The following GPM6A variants were observed in gnomAD, a reference collection of about 807,000 sequenced individuals.
The protein encoded by GPM6A is neuronal membrane glycoprotein M6-a.
Under a neutral mutation model 32.1 loss-of-function variants are expected in GPM6A, and 7 were observed. The ratio of observed to expected loss-of-function variants is 0.22; its 90% CI spans 0.12 to 0.41. The LOEUF (loss-of-function observed/expected upper bound fraction) is 0.41, where lower values mean the gene tolerates loss of function less well. GPM6A is among the 10% of genes least tolerant of loss of function. The pLI is 1.00. For synonymous variants in GPM6A, 130 were observed against 123.4 expected, an observed-to-expected ratio of 1.05 and a Z score of -0.35; for missense variants, 235 against 347.2, an observed-to-expected ratio of 0.68 and a Z score of 2.57.
In GPM6A at chr4:175,701,711, C is replaced by A; in HGVS notation, c.94G>T (p.Ala32Ser). 6 of 1,613,804 alleles carry A rather than the reference C, an allele frequency of 3.7e-6. No homozygotes were observed. Among genetic ancestry groups the A allele is most frequent in the Non-Finnish European group, 4.2e-6 (5 of 1,179,764 alleles). ...LGGIPYASLI[A>S]TILLYAGVAL... is the part of the protein sequence containing the mutation. The stretch of plus-strand genomic sequence containing the variant: ...ACACCCGCATAGAGCAGGATGGTGG[C>A]AATCAGAGAGGCATAGGGAATGCCC... The change falls in exon 2 of 7, where the codon GCC (alanine) becomes TCC (serine). Residue 32 changes from alanine to serine, a missense_variant. Coordinates refer to ENST00000393658, the MANE Select transcript of GPM6A (RefSeq NM_201591.3).
chr4:175,935,248 T>C (rs1579641921), intron 1 of GPM6A, among the ~76,000 whole-genome samples: 1 of 151,900 alleles, frequency 6.6e-6, no homozygotes, highest in Non-Finnish European at 1.5e-5. Flanking sequence ...TCCCTTCACC[T>C]TCCCACCTCT....
intron 1 of GPM6A, among the ~76,000 whole-genome samples, chr4:175,756,996 C>G (rs1301477377): frequency 2.6e-5 from 4 of 152,020 alleles, no homozygotes; most frequent in African/African-American, 7.2e-5. Flanking sequence ...TGGAGGCTAC[C>G]TCTGGGAATG....
intron 5 of GPM6A, 43 bp downstream of exon 5, chr4:175,640,710 A>G (rs1423384265): frequency 8.1e-7 from 1 of 1,238,058 alleles, no homozygotes; most frequent in Admixed American, 1.7e-5. Context: ...TAAAAAATGA[A>G]TGCTAAAATT....
At chr4:175,639,226 C>T (rs1189337983) in intron 6 of GPM6A, among the ~76,000 whole-genome samples, 1 of 152,030 alleles carries the variant, frequency 6.6e-6, no homozygotes, top group Non-Finnish European at 1.5e-5. Context: ...TCTGACATGG[C>T]TAATTAGCAC....
At chr4:175,814,792 C>T (rs142154396), upstream of GPM6A, among the ~76,000 whole-genome samples, 627 of 152,274 alleles carry the variant, frequency 4.1e-3, 3 homozygotes, top group African/African-American at 0.014. Flanking sequence ...AGTAGGCTTT[C>T]AGTATTTATT....
chr4:175,797,310 A>C (rs1192910287), intron 1 of GPM6A, among the ~76,000 whole-genome samples: 1 of 152,178 alleles, frequency 6.6e-6, no homozygotes, highest in East Asian at 1.9e-4. Flanking sequence ...CATTAATATT[A>C]AGAGTTAGTG....
intron 1 of GPM6A, among the ~76,000 whole-genome samples, chr4:175,923,218 TA>T (rs1560995433): frequency 1.2e-4 from 1 of 8,260 alleles, no homozygotes; most frequent in African/African-American, 1.3e-4. Flanking sequence ...ACATGATTTA[TA>T]TATATATATA....
intron 1 of GPM6A, among the ~76,000 whole-genome samples, chr4:175,734,568 A>T (rs201699575): frequency 0.031 from 3,607 of 116,418 alleles, 142 homozygotes; most frequent in African/African-American, 0.092. Context: ...TTTACTTTTT[A>T]AAAAAAAAAA....
chr4:175,779,150 A>G (rs1474469947), intron 1 of GPM6A, among the ~76,000 whole-genome samples: 2 of 152,058 alleles, frequency 1.3e-5, no homozygotes, highest in Non-Finnish European at 2.9e-5. Flanking sequence ...ATTCTGCCTC[A>G]CCCACTCTTG....
chr4:175,708,904 T>C (rs1297570033), intron 1 of GPM6A, among the ~76,000 whole-genome samples: 2 of 152,314 alleles, frequency 1.3e-5, no homozygotes, highest in Non-Finnish European at 2.9e-5. Flanking sequence ...CATAAAGTTG[T>C]AATTACCTGC....
At chr4:175,969,484 A>C (rs1189296517) in intron 1 of GPM6A, among the ~76,000 whole-genome samples, 2 of 152,102 alleles carry the variant, frequency 1.3e-5, no homozygotes, top group African/African-American at 2.4e-5. Flanking sequence ...TGAAGCGAGA[A>C]GATCATTTGA....
intron 6 of GPM6A, among the ~76,000 whole-genome samples, chr4:175,637,296 ATTATATATT>A (rs1191419261): frequency 8.5e-5 from 5 of 58,924 alleles, no homozygotes; most frequent in East Asian, 5.5e-4. Flanking sequence ...TAAAATATAT[ATTATATATT>A]ATATATAATA....
chr4:175,670,453 C>A (rs1313653378), intron 3 of GPM6A, among the ~76,000 whole-genome samples: 2 of 152,188 alleles, frequency 1.3e-5, no homozygotes, highest in African/African-American at 2.4e-5. Flanking sequence ...TTGGCTTAAA[C>A]TTTAATAAGA....
chr4:175,740,644 T>C (rs1440387318), intron 1 of GPM6A, among the ~76,000 whole-genome samples: 1 of 152,102 alleles, frequency 6.6e-6, no homozygotes, highest in East Asian at 1.9e-4. Context: ...TGTATATACA[T>C]TCATCAACTA....
intron 1 of GPM6A, among the ~76,000 whole-genome samples, chr4:175,998,381 G>A (rs1297491560): frequency 6.6e-6 from 1 of 151,940 alleles, no homozygotes; most frequent in Non-Finnish European, 1.5e-5. Context: ...CAAACACCTG[G>A]CTTCAACTGA....
At chr4:175,817,116 C>T (rs1020504719), upstream of GPM6A, among the ~76,000 whole-genome samples, 4 of 152,184 alleles carry the variant, frequency 2.6e-5, no homozygotes, top group African/African-American at 9.6e-5. Context: ...CCTCGGCCTC[C>T]CAAAGTGCTG....
chr4:175,898,553 C>T (rs546736447), intron 1 of GPM6A, among the ~76,000 whole-genome samples: 15 of 152,232 alleles, frequency 9.9e-5, no homozygotes, highest in Admixed American at 5.9e-4. Flanking sequence ...TCGGGGAATA[C>T]GTTCTCCATT....
intron 1 of GPM6A, among the ~76,000 whole-genome samples, chr4:175,963,467 T>C (rs1740231985): frequency 6.6e-6 from 1 of 152,124 alleles, no homozygotes; most frequent in Non-Finnish European, 1.5e-5. Flanking sequence ...ATCAGACTTC[T>C]CTCTACAACC....
At chr4:175,696,539 T>A (rs1744588467) in intron 2 of GPM6A, among the ~76,000 whole-genome samples, 1 of 152,204 alleles carries the variant, frequency 6.6e-6, no homozygotes, top group South Asian at 2.1e-4. Flanking sequence ...TTTCAAAAGT[T>A]AGGAATTCAG....
Sources: allele counts gnomAD v4.1 joint callset (sites outside exome capture counted in the v4.1 genomes callset), GRCh38; gene constraint gnomAD v4.1.1; transcripts MANE v1.5; gene names NCBI Gene and HGNC (gene_info 2026-07-23, HGNC 2026-07-21).